Variants in ITGB4 observed in about 807,000 individuals in gnomAD.
ITGB4 encodes integrin subunit beta 4.
ITGB4 carries 159 observed loss-of-function variants against 207.6 expected under a neutral mutation model. That is an observed-to-expected ratio of 0.77 (90% CI 0.67 to 0.87). The LOEUF (loss-of-function observed/expected upper bound fraction) is 0.87. Among genes scored for constraint, ITGB4 ranks in the 40% least tolerant of loss-of-function variants. The pLI is 0.00. For missense variants in ITGB4, 2,278 were observed against 2,546.8 expected, an observed-to-expected ratio of 0.89 and a Z score of 2.27; for synonymous variants, 1,020 against 1,062.7, an observed-to-expected ratio of 0.96 and a Z score of 0.78.
chr17:75,729,429 T>C lies in ITGB4; in HGVS notation c.731T>C (p.Val244Ala). Residue 244 changes from valine (V) to alanine (A), a missense_variant, in exon 7 of 40, where the codon GTG becomes GCG. Transcript: ENST00000200181. The surrounding 1 kb of genome is among the most constrained non-coding windows in gnomAD (Gnocchi z 4.4). ...TTCGATGCCATCCTGCAGACAGCTG[T>C]GTGCACGGTGGGCACTGGGAAGGGT... ...GGFDAILQTA[V>A]CTRDIGWRPD... is the part of the protein sequence containing the mutation. The C allele has an allele frequency of 6.2e-7, 1 of 1,613,972 alleles. No individual in the cohort carries two copies. Among genetic ancestry groups the C allele is most frequent in the Non-Finnish European group, 8.5e-7 (1 of 1,179,924 alleles).
chr17:75,737,049 C>T (rs1002932957), intron 16 of ITGB4, among the ~76,000 whole-genome samples: 34 of 152,156 alleles, frequency 2.2e-4, no homozygotes, highest in African/African-American at 6.5e-4. Flanking sequence ...AGATCAGATA[C>T]GTTTTCTGGA....
intron 35 of ITGB4, 138 bp downstream of exon 35, chr17:75,755,988 G>T: frequency 9.3e-7 from 1 of 1,073,996 alleles, no homozygotes; most frequent in Non-Finnish European, 1.4e-6. Context: ...GCCTGAGAGG[G>T]TCTCCCACCC....
In ITGB4 at chr17:75,756,757, G is replaced by C; in HGVS notation, c.4951G>C (p.Ala1651Pro). The C allele has an allele frequency of 6.2e-7, 1 of 1,613,030 alleles. No individual in the cohort carries two copies. The highest frequency in any genetic ancestry group is 1.3e-5 in the African/African-American group (1 of 75,046). ...PSAPGPLVFT[A>P]LSPDSLQLSW... ...TGCCCCAGGCCCGCTGGTGTTCACT[G>C]CCCTGAGCCCAGACTCGCTGCAGCT... Residue 1651 changes from alanine to proline, a missense_variant, in exon 37 of 40, where the codon GCC (alanine) becomes CCC (proline). Transcript: ENST00000200181.
intron 23 of ITGB4, 26 bp downstream of exon 23, chr17:75,741,031 G>A (rs2143103666): frequency 1.2e-6 from 2 of 1,609,734 alleles, no homozygotes; most frequent in Non-Finnish European, 1.7e-6. Flanking sequence ...GTGGGTGAGA[G>A]GGCCCCCACT....
At position 75,757,663 on chromosome 17, in the gene ITGB4, C is replaced by T. The variant is rs933840697; in HGVS notation, c.*108C>T. ...TGCACCCCTGGGGGCCCAGCCCACC[C>T]GCATGCACAGAGCAGGGGCTAGGTG... On this transcript the variant is annotated 3_prime_UTR_variant, in exon 40 of 40. Coordinates refer to ENST00000200181, the MANE Select transcript of ITGB4 (RefSeq NM_000213.5). The T allele has an allele frequency of 2.4e-5, 36 of 1,471,084 alleles. No homozygotes were observed. Among genetic ancestry groups the T allele is most frequent in the African/African-American group, 4.2e-5 (3 of 72,250 alleles). The allele number at this position is 1,471,084 out of a possible 1,614,324, so 91.1% of individuals were successfully genotyped here. A position where few individuals can be genotyped will look rare whatever the true frequency, so the allele number is the denominator to read the frequency against.
intron 35 of ITGB4, 126 bp downstream of exon 35, chr17:75,755,976 C>A: frequency 8.4e-7 from 1 of 1,197,334 alleles, no homozygotes; most frequent in Non-Finnish European, 1.2e-6. Flanking sequence ...AGCCCCCATC[C>A]AGCCTGAGAG....
Position 75,756,742 on chromosome 17 carries a change from C to T in ITGB4, c.4936C>T (p.Pro1646Ser). The T allele has an allele frequency of 1.2e-6, 2 of 1,613,154 alleles. No individual in the cohort carries two copies. The highest frequency in any genetic ancestry group is 1.7e-6 in the Non-Finnish European group (2 of 1,180,018). The change falls in exon 37 of 40, where the codon CCG (proline) becomes TCG (serine). Residue 1646 changes from proline to serine, a missense_variant. Physicochemically the swap from Pro to Ser is moderately conservative, Grantham distance 74 (BLOSUM62 -1). Transcript: ENST00000200181. ...TTTGAGCACTCCCAGTGCCCCAGGC[C>T]CGCTGGTGTTCACTGCCCTGAGCCC... ...FTLSTPSAPG[P>S]LVFTALSPDS...
chr17:75,757,418 G>A lies in ITGB4; in HGVS notation c.5332G>A (p.Gly1778Arg), dbSNP rs1341960652. The change falls in exon 40 of 40, where the codon GGG becomes AGG. Residue 1778 changes from glycine (G) to arginine (R), a missense_variant and splice_region_variant. By Grantham distance (125) the Gly-to-Arg change is moderately radical. Transcript: ENST00000200181. Reference protein sequence around the residue: ...TSATEPFLVDGLTLGAQHLEA... With the variant: ...TSATEPFLVDRLTLGAQHLEA... ...ATCTAATGCCTCCTCCTCCACAGAT[G>A]GGCTGACCCTGGGGGCCCAGCACCT... 7 of 1,613,148 alleles carry A rather than the reference G, an allele frequency of 4.3e-6. No homozygotes were observed. Among genetic ancestry groups the A allele is most frequent in the East Asian group, 2.2e-5 (1 of 44,886 alleles).
chr17:75,754,428 CTG>C, intron 33 of ITGB4, 146 bp from the exon 34 acceptor site: 1 of 964,686 alleles, frequency 1.0e-6, no homozygotes, highest in Non-Finnish European at 1.6e-6. Context: ...CAGAGGGCCT[CTG>C]TCCCTAGTGG....
intron 18 of ITGB4, among the ~76,000 whole-genome samples, chr17:75,738,757 C>T (rs1231043360): frequency 2.0e-5 from 3 of 152,200 alleles, no homozygotes; most frequent in Non-Finnish European, 4.4e-5. Context: ...GACCACACTC[C>T]GTAGTAACCC....
intron 26 of ITGB4, among the ~76,000 whole-genome samples, chr17:75,748,197 C>CAA (rs57537115): frequency 0.51 from 40,301 of 78,308 alleles, 11,148 homozygotes; most frequent in East Asian, 0.67. Flanking sequence ...CGTGCCTCTA[C>CAA]AAAAAAAAAA....
intron 26 of ITGB4, among the ~76,000 whole-genome samples, chr17:75,744,115 CTTTTTTT>C (rs759492811): frequency 1.8e-5 from 2 of 110,946 alleles, no homozygotes; most frequent in African/African-American, 7.2e-5. Flanking sequence ...AGGGCTCGCT[CTTTTTTT>C]TTTTTTTTTT....
chr17:75,728,031 C>T (rs992318119), intron 5 of ITGB4, among the ~76,000 whole-genome samples, 176 bp downstream of exon 5: 4 of 152,202 alleles, frequency 2.6e-5, no homozygotes, highest in Admixed American at 2.0e-4. Context: ...ACCCTACTCA[C>T]CACTGGGGAC....
intron 13 of ITGB4, 22 bp downstream of exon 13, chr17:75,733,714 A>C: frequency 5.0e-6 from 8 of 1,611,558 alleles, no homozygotes; most frequent in Non-Finnish European, 6.8e-6. Context: ...AACTGCGGCC[A>C]ATGCTGATGG....
chr17:75,738,848 C>T (rs1252774422), intron 18 of ITGB4, among the ~76,000 whole-genome samples: 2 of 152,102 alleles, frequency 1.3e-5, no homozygotes, highest in East Asian at 1.9e-4. Flanking sequence ...CACGGCTGCG[C>T]GTGCCTGTAG....
intron 32 of ITGB4, among the ~76,000 whole-genome samples, chr17:75,753,516 G>A (rs756448579): frequency 1.3e-5 from 2 of 152,274 alleles, no homozygotes; most frequent in Middle Eastern, 6.8e-3. Context: ...CGGGTCCGGG[G>A]GTCTCTCCTC....
In ITGB4 at chr17:75,731,503, C is replaced by A; in HGVS notation, c.1215+135C>A. 3 of 938,452 alleles carry A rather than the reference C, an allele frequency of 3.2e-6. No homozygotes were observed. The highest frequency in any genetic ancestry group is 4.8e-6 in the Non-Finnish European group (3 of 627,038). 58.1% of individuals were successfully genotyped at this position (938,452 alleles called of 1,614,324 possible). ...GGGTGCAGATCCCTGGGCCTAGCCG[C>A]TCGGATGAGCCTAGGTTGCTCCTCT... On this transcript the variant is annotated intron_variant, in intron 10 of 39. Coordinates refer to ENST00000200181, the MANE Select transcript of ITGB4 (RefSeq NM_000213.5). The surrounding 1 kb of genome is among the most constrained non-coding windows in gnomAD (Gnocchi z 6.8).
rs139115559 is a variant in ITGB4 at position 75,736,143 on chromosome 17, G to T, written c.1750G>T (p.Asp584Tyr). The T allele has an allele frequency of 1.2e-6, 2 of 1,614,088 alleles. No individual in the cohort carries two copies. Among genetic ancestry groups the T allele is most frequent in the Non-Finnish European group, 8.5e-7 (1 of 1,179,970 alleles). The change falls in exon 14 of 40, where the codon GAC (aspartate) becomes TAC (tyrosine). Residue 584 changes from aspartate to tyrosine, a missense_variant. Transcript: ENST00000200181. Reference sequence around the variant, plus strand: ...TCCCCTCAGCAATGCCACCTGCATCGACAGCAATGGGGTAGGCCTGGGCAT... The same window carrying T: ...TCCCCTCAGCAATGCCACCTGCATCTACAGCAATGGGGTAGGCCTGGGCAT... ...DCPLSNATCIDSNGGICNGRG... is the reference protein window; with the variant it reads ...DCPLSNATCIYSNGGICNGRG...
intron 26 of ITGB4, among the ~76,000 whole-genome samples, chr17:75,746,537 T>C (rs2061236822): frequency 6.6e-6 from 1 of 151,392 alleles, no homozygotes; most frequent in Admixed American, 6.6e-5. Flanking sequence ...GGCCATTTTA[T>C]ATTTTTAGTA....
Sources: gnomAD v4.1 joint callset for allele counts (sites outside exome capture counted in the v4.1 genomes callset) on GRCh38, gnomAD v4.1.1 for gene constraint, Gnocchi (gnomAD v3.1) non-coding constraint, MANE v1.5 for transcripts, NCBI Gene and HGNC (gene_info 2026-07-23, HGNC 2026-07-21) for gene names.